Variants in ATG10 observed in about 807,000 individuals in gnomAD.
ATG10 encodes the protein ubiquitin-like-conjugating enzyme ATG10.
Under a neutral mutation model 32.1 loss-of-function variants are expected in ATG10, and 30 were observed. The observed-to-expected ratio is 0.94, with a 90% CI of 0.70 to 1.27. ATG10 has a LOEUF of 1.27. Ranked by LOEUF, ATG10 falls within the 50% of genes most tolerant of loss-of-function variation. The probability of loss-of-function intolerance (pLI) is 0.00; values close to 1 mark genes in which losing one functional copy is unlikely to be tolerated. For synonymous variants in ATG10, 87 were observed against 91.5 expected, an observed-to-expected ratio of 0.95 and a Z score of 0.28; for missense variants, 233 against 262.3, an observed-to-expected ratio of 0.89 and a Z score of 0.77.
rs550937191 is a variant in ATG10 at position 82,169,321 on chromosome 5, A to G, written c.355+4784A>G. On this transcript the variant is annotated intron_variant, in intron 4 of 7. Coordinates refer to ENST00000282185, the MANE Select transcript of ATG10 (RefSeq NM_031482.5). Reference sequence around the variant, plus strand: ...ATTGAAGGGTGAGAGTGAAATTTGGAAAAAAAAAAAAAAGGATTTGGCTTT... The same window carrying G: ...ATTGAAGGGTGAGAGTGAAATTTGGGAAAAAAAAAAAAAGGATTTGGCTTT... 5.4e-3 allele frequency among the ~76,000 whole-genome samples: 761 copies of G among 141,718 alleles called. 13 individuals carry two copies. The highest frequency in any genetic ancestry group is 0.034 in the Admixed American group (475 of 14,090). The allele number at this position is 141,718 out of a possible 152,430, so 93.0% of individuals were successfully genotyped here. A position where few individuals can be genotyped will look rare whatever the true frequency, so the allele number is the denominator to read the frequency against.
intron 5 of ATG10, among the ~76,000 whole-genome samples, chr5:82,220,662 C>A (rs1309891274): frequency 6.7e-6 from 1 of 149,670 alleles, no homozygotes; most frequent in Non-Finnish European, 1.5e-5. Context: ...TGGAGTCTTG[C>A]TTTGTCGCCT....
rs548106723 is a variant in ATG10, at chr5:82,107,222, G to A, written c.216+48620G>A. Among the ~76,000 whole-genome samples the A allele has an allele frequency of 2.0e-5, 3 of 152,116 alleles. No homozygotes were observed. The South Asian group carries it at 6.2e-4, about 32-fold the overall frequency. On this transcript the variant is annotated intron_variant, in intron 3 of 7. Transcript: ENST00000282185. ...AAAACTGTTTATACATAAAGTCGGT[G>A]GTTTAGTTAGAAAACAAAGGTATAA...
At chr5:82,029,171 T>A (rs150073174) in intron 2 of ATG10, among the ~76,000 whole-genome samples, 6,615 of 152,316 alleles carry the variant, frequency 0.043, 201 homozygotes, top group South Asian at 0.089. Context: ...CAATTTAAGT[T>A]TGAATTATCC....
At position 82,139,576 on chromosome 5, in the gene ATG10, G is replaced by C. The variant is rs1420055732; in HGVS notation, c.217-24823G>C. On this transcript the variant is annotated intron_variant, in intron 3 of 7. Coordinates refer to ENST00000282185, the MANE Select transcript of ATG10 (RefSeq NM_031482.5). ...AGGAGCGTCTCTGCCCGGCCGCCCC[G>C]TCTGAGAAGTGAGGAGCCTCTCCGC... Among the ~76,000 whole-genome samples, 29 of 131,202 alleles carry C rather than the reference G, an allele frequency of 2.2e-4. No homozygotes were observed. The South Asian group carries it at 7.1e-3, about 32-fold the overall frequency. The allele number at this position is 131,202 out of a possible 152,430, so 86.1% of individuals were successfully genotyped here. A position where few individuals can be genotyped will look rare whatever the true frequency, so the allele number is the denominator to read the frequency against.
rs534593318 is a variant in ATG10 at position 82,021,175 on chromosome 5, T to G, written c.108+33497T>G. Among the ~76,000 whole-genome samples the G allele has an allele frequency of 7.9e-4, 121 of 152,270 alleles. 3 individuals carry two copies. The highest frequency in any genetic ancestry group is 1.3e-3 in the Admixed American group (20 of 15,292). ...TAACTCAGTAGGTAATGTGTAAATT[T>G]GTTGTATCAGAAAAAAGATATAGAT... On this transcript the variant is annotated intron_variant, in intron 2 of 7. Transcript: ENST00000282185.
intron 2 of ATG10, among the ~76,000 whole-genome samples, chr5:82,034,964 G>A (rs1383232574): frequency 2.0e-5 from 3 of 151,772 alleles, no homozygotes; most frequent in Non-Finnish European, 4.4e-5. Context: ...TGTCACTTAG[G>A]CTGGAGTGCA....
intron 3 of ATG10, 38 bp downstream of exon 3, chr5:82,058,640 G>GTAAATTTAAAATTTAAAT (rs1561277836): frequency 7.2e-7 from 1 of 1,382,246 alleles, no homozygotes; most frequent in South Asian, 1.2e-5. Flanking sequence ...TTCAGTCTCC[G>GTAAATTTAAAATTTAAAT]TAAAGTATAC....
chr5:82,044,704 G>A (rs1337532809), intron 2 of ATG10, among the ~76,000 whole-genome samples: 1 of 152,114 alleles, frequency 6.6e-6, no homozygotes, highest in Non-Finnish European at 1.5e-5. Flanking sequence ...ACTTTCTGAG[G>A]ATACTACTCA....
chr5:82,100,285 G>A (rs554433264), intron 3 of ATG10, among the ~76,000 whole-genome samples: 2 of 152,122 alleles, frequency 1.3e-5, no homozygotes, highest in South Asian at 4.2e-4. Flanking sequence ...GGGATTATAG[G>A]CGTGAGCCAC....
chr5:81,976,522 A>C (rs1760880259), intron 1 of ATG10, among the ~76,000 whole-genome samples: 1 of 152,188 alleles, frequency 6.6e-6, no homozygotes, highest in Non-Finnish European at 1.5e-5. Flanking sequence ...TAGGAAAATG[A>C]AACTTTAGCT....
At chr5:82,027,209 G>C (rs1661309311) in intron 2 of ATG10, among the ~76,000 whole-genome samples, 1 of 152,028 alleles carries the variant, frequency 6.6e-6, no homozygotes, top group African/African-American at 2.4e-5. Context: ...GACCAGCCTG[G>C]GCAACGTAGT....
chr5:82,143,599 G>A (rs946725291), intron 3 of ATG10, among the ~76,000 whole-genome samples: 17 of 152,242 alleles, frequency 1.1e-4, no homozygotes, highest in African/African-American at 4.1e-4. Context: ...AATAATGTTT[G>A]TGTTCGTGCA....
intron 5 of ATG10, among the ~76,000 whole-genome samples, chr5:82,180,615 A>G (rs1363134624): frequency 6.6e-6 from 1 of 152,180 alleles, no homozygotes; most frequent in African/African-American, 2.4e-5. Context: ...TTTGTATTGT[A>G]GAGTCCTTAT....
At chr5:82,071,360 G>A (rs1439435797) in intron 3 of ATG10, among the ~76,000 whole-genome samples, 1 of 152,108 alleles carries the variant, frequency 6.6e-6, no homozygotes, top group African/African-American at 2.4e-5. Flanking sequence ...AAGAAACTTG[G>A]AGGCTGAGGA....
At chr5:82,227,658 G>A (rs1232856256) in intron 5 of ATG10, among the ~76,000 whole-genome samples, 1 of 152,074 alleles carries the variant, frequency 6.6e-6, no homozygotes, top group Non-Finnish European at 1.5e-5. Context: ...TTACAGACAT[G>A]AGCCACCACT....
At chr5:82,230,947 T>C (rs191324200) in intron 5 of ATG10, among the ~76,000 whole-genome samples, 3 of 152,266 alleles carry the variant, frequency 2.0e-5, no homozygotes, top group Non-Finnish European at 4.4e-5. Context: ...ATATTCACTA[T>C]GTGCATAACT....
intron 5 of ATG10, among the ~76,000 whole-genome samples, chr5:82,215,762 C>G (rs1432992423): frequency 6.6e-6 from 1 of 151,882 alleles, no homozygotes; most frequent in Non-Finnish European, 1.5e-5. Context: ...ATGGTGAAAC[C>G]CCATTCTCTA....
intron 3 of ATG10, among the ~76,000 whole-genome samples, chr5:82,133,462 C>G (rs1766620581): frequency 6.6e-6 from 1 of 152,086 alleles, no homozygotes; most frequent in South Asian, 2.1e-4. Flanking sequence ...TTTCCCAACA[C>G]CATTTATGGA....
intron 3 of ATG10, among the ~76,000 whole-genome samples, chr5:82,128,050 C>T (rs1455673025): frequency 6.6e-6 from 1 of 151,992 alleles, no homozygotes; most frequent in South Asian, 2.1e-4. Context: ...CCTTCTTTGT[C>T]TCTTTTGATC....
Sources: gnomAD v4.1 joint callset for allele counts (sites outside exome capture counted in the v4.1 genomes callset) on GRCh38, gnomAD v4.1.1 for gene constraint, MANE v1.5 for transcripts, NCBI Gene and HGNC (gene_info 2026-07-23, HGNC 2026-07-21) for gene names.